FAIM2: variants seen among roughly 807,000 people sequenced by gnomAD.
The protein encoded by FAIM2 is protein lifeguard 2.
In FAIM2, 27 loss-of-function variants were observed where a neutral mutation model predicts 47.4. That is an observed-to-expected ratio of 0.57 (90% CI 0.42 to 0.78). The LOEUF (loss-of-function observed/expected upper bound fraction) is 0.78. Among genes scored for constraint, FAIM2 ranks in the 30% least tolerant of loss-of-function variants. The probability of loss-of-function intolerance (pLI) is 0.00; values close to 1 mark genes in which losing one functional copy is unlikely to be tolerated. For missense variants in FAIM2, 311 were observed against 389.4 expected (o/e 0.80, Z 1.69); for synonymous variants, 156 against 159.3 (o/e 0.98, Z 0.16).
At chr12:49,891,668 A>G (rs1487097511) in intron 5 of FAIM2, among the ~76,000 whole-genome samples, 1 of 152,062 alleles carries the variant, frequency 6.6e-6, no homozygotes, top group East Asian at 1.9e-4. Flanking sequence ...ACCTGGAGTG[A>G]TCTTGTTAGT....
intron 5 of FAIM2, among the ~76,000 whole-genome samples, chr12:49,891,339 T>C (rs539121881): frequency 6.6e-6 from 1 of 152,180 alleles, no homozygotes; most frequent in Non-Finnish European, 1.5e-5. Flanking sequence ...ACAGGGAATC[T>C]TGGGTCACAT....
At chr12:49,884,965 C>T (rs1946851411) in intron 11 of FAIM2, among the ~76,000 whole-genome samples, 1 of 151,990 alleles carries the variant, frequency 6.6e-6, no homozygotes, top group Admixed American at 6.5e-5. Flanking sequence ...CAGAGTGAGA[C>T]TCCGTCTCAA....
Position 49,878,830 on chromosome 12 carries a change from GTGTA to G in FAIM2, c.802-8181_802-8178del, listed in dbSNP as rs1310956126. Reference sequence around the variant, plus strand: ...TGCATGTGAATGTGTGTATATGTGAGTGTATGTGTGTGCATGTGTGTATGTGTGT... The same window carrying G: ...TGCATGTGAATGTGTGTATATGTGAGTGTGTGTGCATGTGTGTATGTGTGT... On this transcript the variant is annotated intron_variant, in intron 11 of 11. Coordinates refer to ENST00000320634, the MANE Select transcript of FAIM2 (RefSeq NM_012306.4). 3.1e-4 allele frequency among the ~76,000 whole-genome samples: 19 copies of G among 60,558 alleles called. 4 individuals carry two copies. The highest frequency in any genetic ancestry group is 5.0e-4 in the Non-Finnish European group (17 of 34,338). 39.7% of individuals were successfully genotyped at this position (60,558 alleles called of 152,430 possible).
In FAIM2 at chr12:49,890,722, C is replaced by A; in HGVS notation, c.486G>T (p.Arg162Ser). 1 of 1,614,022 alleles carries A rather than the reference C, an allele frequency of 6.2e-7. No homozygotes were observed. The highest frequency in any genetic ancestry group is 1.1e-5 in the South Asian group (1 of 91,076). Reference protein sequence around the residue: ...YLTLACCSGPRRHFPWNLILL... With the variant: ...YLTLACCSGPSRHFPWNLILL... ...GAATCAGGTTCCAGGGGAAATGCCT[C>A]CTGCAAGGCAAGCCACAGAGTTCAG... The change falls in exon 7 of 12, where the codon AGG becomes AGT. Residue 162 changes from arginine to serine, a missense_variant and splice_region_variant. Coordinates refer to ENST00000320634, the MANE Select transcript of FAIM2 (RefSeq NM_012306.4).
chr12:49,878,951 CAT>C (rs1565613658), intron 11 of FAIM2, among the ~76,000 whole-genome samples: 1 of 123,298 alleles, frequency 8.1e-6, no homozygotes, highest in Non-Finnish European at 1.7e-5. Context: ...TGTGTATGTT[CAT>C]GTGTATATGT....
chr12:49,900,062 C>T (rs1276096326), intron 2 of FAIM2: 1 of 433,124 alleles, frequency 2.3e-6, no homozygotes, highest in African/African-American at 2.1e-5. Context: ...TGCGAAAGCC[C>T]AGGTGGCCAG....
chr12:49,880,566 GTGTATCTGTGCATGTGTA>G (rs1565615132), intron 11 of FAIM2, among the ~76,000 whole-genome samples: 4 of 10,382 alleles, frequency 3.9e-4, no homozygotes, highest in East Asian at 7.4e-3. Context: ...GTGTGCATGT[GTGTATCTGTGCATGTGTA>G]TATGTGCATG....
chr12:49,870,630 C>T lies in FAIM2; in HGVS notation c.825G>A (p.Leu275=). 6.2e-7 allele frequency: 1 copy of T among 1,613,998 alleles called. No homozygotes were observed. Among genetic ancestry groups the T allele is most frequent in the East Asian group, 2.2e-5 (1 of 44,888 alleles). ...GCGAGTGGCGTCGGTTACCCATCAGCAACTGGGTGTCAAGTGCCAGGAACT... is the reference window on the plus strand; with the variant it reads ...GCGAGTGGCGTCGGTTACCCATCAGTAACTGGGTGTCAAGTGCCAGGAACT... ...FTLFLALDTQ[L]LMGNRRHSLS... is the part of the protein sequence containing the mutation. The change falls in exon 12 of 12, where the codon TTG becomes TTA. Residue 275 remains leucine, a synonymous_variant. Coordinates refer to ENST00000320634, the MANE Select transcript of FAIM2 (RefSeq NM_012306.4).
chr12:49,900,277 G>A lies in FAIM2; in HGVS notation c.211+853C>T, dbSNP rs539216149. 142 of 1,203,098 alleles carry A rather than the reference G, an allele frequency of 1.2e-4. No homozygotes were observed. The South Asian group carries it at 1.6e-3, about 14-fold the overall frequency. The allele number at this position is 1,203,098 out of a possible 1,614,324, so 74.5% of individuals were successfully genotyped here. ...CCTATGAGCAGAGGCTCTGTCTGGG[G>A]CATTGTCTCTGAGATCTCTTCTAGA... On this transcript the variant is annotated intron_variant, in intron 2 of 11. Transcript: ENST00000320634.
At chr12:49,888,417 G>C (rs934124018) in intron 10 of FAIM2, among the ~76,000 whole-genome samples, 3 of 152,136 alleles carry the variant, frequency 2.0e-5, no homozygotes, top group Admixed American at 6.5e-5. Context: ...GTGGCTATGG[G>C]GGTGAGGGGT....
Position 49,870,434 on chromosome 12 carries a change from G to A in FAIM2, c.*70C>T. The A allele has an allele frequency of 2.1e-6, 3 of 1,412,168 alleles. No individual in the cohort carries two copies. The highest frequency in any genetic ancestry group is 2.4e-5 in the South Asian group (2 of 81,884). The allele number at this position is 1,412,168 out of a possible 1,614,324, so 87.5% of individuals were successfully genotyped here. A position where few individuals can be genotyped will look rare whatever the true frequency, so the allele number is the denominator to read the frequency against. On this transcript the variant is annotated 3_prime_UTR_variant, in exon 12 of 12. Transcript: ENST00000320634. ...GCTAGTTTTATATCTGGTCTCGCAG[G>A]AGCGCAGGGGAGGGACAGGGAACCA... is the stretch of plus-strand genomic sequence containing the variant.
chr12:49,880,719 T>G (rs1381425259), intron 11 of FAIM2, among the ~76,000 whole-genome samples: 1 of 66,556 alleles, frequency 1.5e-5, no homozygotes, highest in Admixed American at 1.7e-4. Context: ...TGTACATGCG[T>G]GTATATGTGT....
chr12:49,875,852 T>A (rs188464460), intron 11 of FAIM2, among the ~76,000 whole-genome samples: 15 of 152,154 alleles, frequency 9.9e-5, no homozygotes, highest in Admixed American at 9.2e-4. Flanking sequence ...GGTGGGCACC[T>A]GTAATCCCAG....
At chr12:49,889,607 G>A in intron 8 of FAIM2, 39 bp from the exon 9 acceptor site, 1 of 1,561,146 alleles carries the variant, frequency 6.4e-7, no homozygotes, top group Non-Finnish European at 8.8e-7. Flanking sequence ...TCTCAGGCAG[G>A]GCATCTGGTC....
chr12:49,872,797 CTG>C (rs371815423), intron 11 of FAIM2, among the ~76,000 whole-genome samples: 269 of 152,284 alleles, frequency 1.8e-3, no homozygotes, highest in African/African-American at 6.1e-3. Context: ...CTCTCTAGGC[CTG>C]TGAGTCCCTA....
intron 5 of FAIM2, 122 bp from the exon 6 acceptor site, chr12:49,891,236 G>A: frequency 1.2e-6 from 1 of 860,606 alleles, no homozygotes; most frequent in East Asian, 2.5e-5. Flanking sequence ...GACAGGATGG[G>A]GAGGCCACGG....
intron 2 of FAIM2, chr12:49,900,318 G>A: frequency 1.1e-6 from 1 of 876,636 alleles, no homozygotes. Flanking sequence ...GCTGGAGGTG[G>A]GGTGATAAAG....
chr12:49,883,659 T>C (rs1852352856), intron 11 of FAIM2, among the ~76,000 whole-genome samples: 1 of 152,034 alleles, frequency 6.6e-6, no homozygotes, highest in African/African-American at 2.4e-5. Context: ...AATATCGCAT[T>C]CAAAGCTTTG....
chr12:49,899,692 G>A (rs1032112043), intron 2 of FAIM2, among the ~76,000 whole-genome samples: 2 of 152,198 alleles, frequency 1.3e-5, no homozygotes, highest in Non-Finnish European at 1.5e-5. Context: ...AGGTGGGTTA[G>A]GTAAGGTGCT....
Sources: allele counts gnomAD v4.1 joint callset (sites outside exome capture counted in the v4.1 genomes callset), GRCh38; gene constraint gnomAD v4.1.1; transcripts MANE v1.5; gene names NCBI Gene and HGNC (gene_info 2026-07-23, HGNC 2026-07-21).